Variants in ACYP2 observed in about 807,000 individuals in gnomAD.
ACYP2 encodes the protein acylphosphatase 2.
ACYP2 carries 12 observed loss-of-function variants against 11.2 expected under a neutral mutation model. The observed-to-expected ratio is 1.08, with a 90% CI of 0.69 to 1.74. The LOEUF is 1.74. Among genes scored for constraint, ACYP2 ranks in the 40% most tolerant of loss-of-function variants. The probability of loss-of-function intolerance (pLI) is 0.00; values close to 1 mark genes in which losing one functional copy is unlikely to be tolerated. For synonymous variants in ACYP2, 43 were observed against 32.2 expected, an observed-to-expected ratio of 1.33 and a Z score of -1.13; for missense variants, 134 against 101.9, an observed-to-expected ratio of 1.31 and a Z score of -1.35.
chr2:54,115,710 CCAGT>C, intron 4 of ACYP2: 1 of 1,612,946 alleles, frequency 6.2e-7, no homozygotes, highest in Non-Finnish European at 8.5e-7. Context: ...TGTCTACCGC[CCAGT>C]CACTCAAATC....
intron 2 of ACYP2, chr2:54,030,791 A>C (rs1028712455): frequency 3.3e-5 from 5 of 152,292 alleles, no homozygotes; most frequent in Non-Finnish European, 7.3e-5. Flanking sequence ...ATGTCTCTAA[A>C]AAATAATAAC....
intron 4 of ACYP2, among the ~76,000 whole-genome samples, chr2:54,074,794 C>T (rs1275481614): frequency 6.6e-6 from 1 of 152,160 alleles, no homozygotes; most frequent in South Asian, 2.1e-4. Flanking sequence ...GTTGCACTTG[C>T]GGTCTAAAGG....
intron 4 of ACYP2, chr2:54,065,408 A>G (rs1354518693): frequency 2.5e-6 from 1 of 398,408 alleles, no homozygotes; most frequent in East Asian, 3.6e-5. Flanking sequence ...TTTTATATAC[A>G]TACATAAACT....
At chr2:54,103,120 A>G (rs897122737) in intron 4 of ACYP2, among the ~76,000 whole-genome samples, 3 of 152,158 alleles carry the variant, frequency 2.0e-5, no homozygotes, top group Non-Finnish European at 4.4e-5. Context: ...GTAAAAGACA[A>G]AAAAAGAGTG....
chr2:54,244,759 G>T (rs1686877200), intron 6 of ACYP2, among the ~76,000 whole-genome samples: 1 of 151,548 alleles, frequency 6.6e-6, no homozygotes, highest in Non-Finnish European at 1.5e-5. Flanking sequence ...TTTCATTTTT[G>T]AATTGACACA....
chr2:53,982,611 C>T (rs1051249835), intron 2 of ACYP2, among the ~76,000 whole-genome samples: 2 of 152,178 alleles, frequency 1.3e-5, no homozygotes, highest in Non-Finnish European at 2.9e-5. Context: ...TTCAATCGCT[C>T]ATCCAATAAG....
intron 6 of ACYP2, among the ~76,000 whole-genome samples, chr2:54,215,667 T>TATA (rs574169836): frequency 1.6e-3 from 245 of 152,314 alleles, no homozygotes; most frequent in African/African-American, 5.7e-3. Flanking sequence ...TAACAAGGTA[T>TATA]ATAATTTCTT....
At chr2:54,133,842 C>G (rs1681070519) in intron 4 of ACYP2, among the ~76,000 whole-genome samples, 1 of 152,080 alleles carries the variant, frequency 6.6e-6, no homozygotes, top group South Asian at 2.1e-4. Context: ...ACTCTAGGGC[C>G]CAGTTCTCTA....
chr2:54,064,095 C>T (rs1295534343), intron 4 of ACYP2, among the ~76,000 whole-genome samples: 1 of 152,160 alleles, frequency 6.6e-6, no homozygotes, highest in Non-Finnish European at 1.5e-5. Context: ...GGTCCTCCTG[C>T]CTTGGCCTCC....
chr2:53,994,932 G>T (rs1445254899), intron 2 of ACYP2, among the ~76,000 whole-genome samples: 1 of 152,088 alleles, frequency 6.6e-6, no homozygotes, highest in Non-Finnish European at 1.5e-5. Flanking sequence ...TAGCGTTTCC[G>T]TTATATTCTG....
chr2:54,294,531 G>T (rs1017339133), intron 6 of ACYP2, among the ~76,000 whole-genome samples: 3 of 152,006 alleles, frequency 2.0e-5, no homozygotes, highest in African/African-American at 7.3e-5. Context: ...CCCAACCATT[G>T]CCTTGCTTCA....
chr2:54,158,019 C>A (rs1346567484), intron 6 of ACYP2, among the ~76,000 whole-genome samples: 1 of 151,162 alleles, frequency 6.6e-6, no homozygotes, highest in Non-Finnish European at 1.5e-5. Flanking sequence ...TTCTTTCTTT[C>A]TTTTATTATT....
chr2:54,162,481 G>C (rs1306863678), intron 6 of ACYP2, among the ~76,000 whole-genome samples: 1 of 152,120 alleles, frequency 6.6e-6, no homozygotes, highest in Non-Finnish European at 1.5e-5. Flanking sequence ...GTATAAGCCT[G>C]TGGTGTGGTT....
chr2:54,295,251 A>G (rs1429148968), intron 6 of ACYP2, among the ~76,000 whole-genome samples: 1 of 152,100 alleles, frequency 6.6e-6, no homozygotes, highest in Non-Finnish European at 1.5e-5. Flanking sequence ...GCACAAGTAA[A>G]CTTGGTTCAC....
chr2:54,277,315 A>G (rs924444692), intron 6 of ACYP2, among the ~76,000 whole-genome samples: 4 of 152,166 alleles, frequency 2.6e-5, no homozygotes, highest in African/African-American at 7.2e-5. Flanking sequence ...AATAGTTTCC[A>G]TTTATTTTTC....
intron 4 of ACYP2, among the ~76,000 whole-genome samples, chr2:54,120,069 A>G (rs1235503699): frequency 6.6e-6 from 1 of 152,238 alleles, no homozygotes; most frequent in East Asian, 1.9e-4. Context: ...TATCAAGGGT[A>G]TATACTGTCA....
At chr2:54,176,944 A>G (rs890160062) in intron 6 of ACYP2, among the ~76,000 whole-genome samples, 1 of 152,176 alleles carries the variant, frequency 6.6e-6, no homozygotes, top group Non-Finnish European at 1.5e-5. Context: ...CTGTCAATCC[A>G]GCTTCCCTCT....
At chr2:54,266,801 G>A (rs1688050252) in intron 6 of ACYP2, among the ~76,000 whole-genome samples, 1 of 151,248 alleles carries the variant, frequency 6.6e-6, no homozygotes, top group Non-Finnish European at 1.5e-5. Context: ...AGTACAGACG[G>A]GGTTTCACCG....
chr2:54,153,722 C>G (rs1347336176), intron 6 of ACYP2, among the ~76,000 whole-genome samples: 2 of 151,524 alleles, frequency 1.3e-5, no homozygotes, highest in African/African-American at 4.9e-5. Context: ...GCCTCAGCCT[C>G]TCGAGTGCCT....
Sources: gnomAD v4.1 joint callset for allele counts (sites outside exome capture counted in the v4.1 genomes callset) on GRCh38, gnomAD v4.1.1 for gene constraint, MANE v1.5 for transcripts, NCBI Gene and HGNC (gene_info 2026-07-23, HGNC 2026-07-21) for gene names.